The following KIF13B variants were observed in gnomAD, a reference collection of about 807,000 sequenced individuals.
KIF13B encodes kinesin-like protein KIF13B.
Under a neutral mutation model 222.0 loss-of-function variants are expected in KIF13B, and 127 were observed. The ratio of observed to expected loss-of-function variants is 0.57; its 90% CI spans 0.50 to 0.66. The LOEUF (loss-of-function observed/expected upper bound fraction) is 0.66, where lower values mean the gene tolerates loss of function less well. Ranked by LOEUF, KIF13B falls within the 30% of genes least tolerant of loss-of-function variation. The pLI is 0.00. For missense variants in KIF13B, 2,173 were observed against 2,379.0 expected (o/e 0.91, Z 1.80); for synonymous variants, 976 against 919.0 (o/e 1.06, Z -1.12).
intron 2 of KIF13B, among the ~76,000 whole-genome samples, chr8:29,225,317 A>G (rs994979876): frequency 5.3e-5 from 8 of 152,204 alleles, no homozygotes; most frequent in Non-Finnish European, 1.2e-4. Flanking sequence ...CAACCCTATT[A>G]TTTGCATTTT....
chr8:29,234,418 AAT>A (rs1387287770), intron 2 of KIF13B, among the ~76,000 whole-genome samples: 1 of 151,620 alleles, frequency 6.6e-6, no homozygotes, highest in Non-Finnish European at 1.5e-5. Flanking sequence ...AGACACAAAA[AAT>A]AAATACTGTA....
chr8:29,093,343 T>G (rs79581337), intron 36 of KIF13B, among the ~76,000 whole-genome samples: 15,120 of 152,254 alleles, frequency 0.099, 993 homozygotes, highest in Middle Eastern at 0.17. Flanking sequence ...ACTGACCTTT[T>G]GGGAAAAGGG....
intron 35 of KIF13B, among the ~76,000 whole-genome samples, chr8:29,101,536 C>T (rs973537451): frequency 6.6e-6 from 1 of 152,134 alleles, no homozygotes; most frequent in African/African-American, 2.4e-5. Flanking sequence ...GGCAGTTCTT[C>T]CCAGCAGGCA....
At chr8:29,188,840 A>C (rs1266270526) in intron 4 of KIF13B, among the ~76,000 whole-genome samples, 1 of 152,226 alleles carries the variant, frequency 6.6e-6, no homozygotes, top group African/African-American at 2.4e-5. Flanking sequence ...AACACGACTA[A>C]GAATCCCCTG....
chr8:29,171,582 G>A lies in KIF13B; in HGVS notation c.946-3997C>T, dbSNP rs1812239192. Among the ~76,000 whole-genome samples the A allele has an allele frequency of 4.0e-5, 6 of 150,588 alleles. No homozygotes were observed. In the South Asian group the frequency reaches 1.3e-3, roughly 31 times the overall value. On this transcript the variant is annotated intron_variant, in intron 10 of 39. Transcript: ENST00000524189. Reference sequence around the variant, plus strand: ...AATTTAAGAAGGAAAAAGCAACAGGGACCTAAAACCCACTTTAAAGGAAAA... The same window carrying A: ...AATTTAAGAAGGAAAAAGCAACAGGAACCTAAAACCCACTTTAAAGGAAAA...
chr8:29,126,593 C>A, intron 25 of KIF13B, 82 bp from the exon 26 acceptor site: 1 of 818,592 alleles, frequency 1.2e-6, no homozygotes, highest in Non-Finnish European at 2.0e-6. Flanking sequence ...TGACTCTTTA[C>A]CCATAATTTA....
At chr8:29,204,432 G>T (rs1202358821) in intron 2 of KIF13B, among the ~76,000 whole-genome samples, 2 of 152,124 alleles carry the variant, frequency 1.3e-5, no homozygotes, top group East Asian at 3.8e-4. Context: ...CTTAAATCTA[G>T]CCAGGTACAG....
chr8:29,116,745 G>T, intron 31 of KIF13B, 86 bp downstream of exon 31: 1 of 1,288,748 alleles, frequency 7.8e-7, no homozygotes, highest in Non-Finnish European at 1.1e-6. Flanking sequence ...GAGCCTGTTT[G>T]GACAGAAGGT....
intron 2 of KIF13B, among the ~76,000 whole-genome samples, chr8:29,231,128 C>T (rs1015045979): frequency 6.6e-6 from 1 of 152,084 alleles, no homozygotes; most frequent in African/African-American, 2.4e-5. Context: ...GATTTGCCTG[C>T]CTCAGCCTCC....
chr8:29,262,914 C>T lies in KIF13B; in HGVS notation c.55+66G>A, dbSNP rs1587004354. 8.7e-6 allele frequency: 12 copies of T among 1,387,166 alleles called. No individual in the cohort carries two copies. The East Asian group carries it at 3.2e-4, about 37-fold the overall frequency. The allele number at this position is 1,387,166 out of a possible 1,614,324, so 85.9% of individuals were successfully genotyped here. A position where few individuals can be genotyped will look rare whatever the true frequency, so the allele number is the denominator to read the frequency against. ...GGGCCGCCGGACCCCCCACGGCGGC[C>T]GAGGGAAGGGCGCGCCAGGCACCTG... On this transcript the variant is annotated intron_variant, in intron 1 of 39. Transcript: ENST00000524189.
chr8:29,199,428 G>C (rs1422465707), intron 2 of KIF13B, among the ~76,000 whole-genome samples: 1 of 152,096 alleles, frequency 6.6e-6, no homozygotes, highest in Non-Finnish European at 1.5e-5. Flanking sequence ...ACATACTTCA[G>C]GTTGTGATGT....
intron 36 of KIF13B, among the ~76,000 whole-genome samples, chr8:29,098,152 CAG>C (rs1563697568): frequency 2.7e-5 from 2 of 73,500 alleles, no homozygotes; most frequent in Non-Finnish European, 4.9e-5. Context: ...GCCTGGGCGA[CAG>C]AGTCAGACTC....
chr8:29,159,448 C>T (rs1278297800), intron 13 of KIF13B, among the ~76,000 whole-genome samples: 1 of 152,088 alleles, frequency 6.6e-6, no homozygotes, highest in Non-Finnish European at 1.5e-5. Flanking sequence ...CCACGCCCAG[C>T]CAATAATATA....
intron 1 of KIF13B, among the ~76,000 whole-genome samples, chr8:29,258,466 C>T (rs1361860491): frequency 6.6e-6 from 1 of 152,174 alleles, no homozygotes; most frequent in Non-Finnish European, 1.5e-5. Flanking sequence ...AAACAGAGTG[C>T]GTGGACCAGC....
At chr8:29,073,601 C>T (rs973605797) in intron 38 of KIF13B, among the ~76,000 whole-genome samples, 2 of 151,960 alleles carry the variant, frequency 1.3e-5, no homozygotes, top group African/African-American at 2.4e-5. Context: ...ATATGTTTTC[C>T]GATATTTATG....
Position 29,070,882 on chromosome 8 carries a change from T to C in KIF13B, c.5219-116A>G. Reference sequence around the variant, plus strand: ...CACTGCCACCCCCCCGCACAGGCCCTACACAGCCAGCACTCGGACACTGGC... The same window carrying C: ...CACTGCCACCCCCCCGCACAGGCCCCACACAGCCAGCACTCGGACACTGGC... On this transcript the variant is annotated intron_variant, in intron 39 of 39. Coordinates refer to ENST00000524189, the MANE Select transcript of KIF13B (RefSeq NM_015254.4). The surrounding 1 kb of genome is among the most constrained non-coding windows in gnomAD (Gnocchi z 4.1). 2 of 1,127,148 alleles carry C rather than the reference T, an allele frequency of 1.8e-6. No individual in the cohort carries two copies. The highest frequency in any genetic ancestry group is 1.4e-5 in the South Asian group (1 of 69,648). The allele number at this position is 1,127,148 out of a possible 1,614,324, so 69.8% of individuals were successfully genotyped here. A position where few individuals can be genotyped will look rare whatever the true frequency, so the allele number is the denominator to read the frequency against.
At chr8:29,089,404 A>T (rs1403356452) in intron 37 of KIF13B, among the ~76,000 whole-genome samples, 8 of 152,150 alleles carry the variant, frequency 5.3e-5, no homozygotes, top group Non-Finnish European at 1.0e-4. Context: ...GCACCACTGC[A>T]CTCCAGACTG....
chr8:29,214,381 T>A (rs1055934544), intron 2 of KIF13B, among the ~76,000 whole-genome samples: 7 of 152,218 alleles, frequency 4.6e-5, no homozygotes, highest in Non-Finnish European at 1.0e-4. Context: ...AGAACTTTTT[T>A]AAAAAATTAG....
intron 1 of KIF13B, among the ~76,000 whole-genome samples, chr8:29,252,617 T>A (rs181626935): frequency 2.3e-3 from 348 of 152,350 alleles, no homozygotes; most frequent in Middle Eastern, 6.8e-3. Flanking sequence ...CCGCAAACTT[T>A]GCATGCCACA....
Sources: allele counts gnomAD v4.1 joint callset (sites outside exome capture counted in the v4.1 genomes callset), GRCh38; gene constraint gnomAD v4.1.1; non-coding constraint Gnocchi (gnomAD v3.1); transcripts MANE v1.5; gene names NCBI Gene and HGNC (gene_info 2026-07-23, HGNC 2026-07-21).